Variants in ZNF454 observed in about 807,000 individuals in gnomAD.
ZNF454 encodes zinc finger protein 454.
ZNF454 carries 30 observed loss-of-function variants against 48.2 expected under a neutral mutation model. The ratio of observed to expected loss-of-function variants is 0.62; its 90% CI spans 0.47 to 0.84. ZNF454 has a LOEUF of 0.84. ZNF454 is among the 40% of genes least tolerant of loss of function. ZNF454 has a pLI of 0.00. For synonymous variants in ZNF454, 204 were observed against 211.4 expected, an observed-to-expected ratio of 0.97 and a Z score of 0.30; for missense variants, 510 against 623.1, an observed-to-expected ratio of 0.82 and a Z score of 1.93.
the ZNF454 span, chr5:178,986,850 G>A: frequency 5.0e-6 from 8 of 1,613,838 alleles, no homozygotes; most frequent in Middle Eastern, 1.6e-4. Context: ...CCAGTCTGAG[G>A]GTCTCTGCCC....
the ZNF454 span, among the ~76,000 whole-genome samples, chr5:178,977,967 T>G: frequency 3.3e-5 from 5 of 152,220 alleles, no homozygotes; most frequent in Non-Finnish European, 7.3e-5. Context: ...TTTCTTCTTA[T>G]CAGAGCCTTA....
At chr5:178,974,727 A>C in the ZNF454 span, among the ~76,000 whole-genome samples, 1 of 152,218 alleles carries the variant, frequency 6.6e-6, no homozygotes, top group African/African-American at 2.4e-5. Flanking sequence ...AAATTTCTAT[A>C]AAAACCTTCA....
At chr5:178,964,559 A>G (rs974867725) in intron 4 of ZNF454, 96 bp from the exon 5 acceptor site, 11 of 964,704 alleles carry the variant, frequency 1.1e-5, no homozygotes, top group African/African-American at 6.5e-5. Flanking sequence ...CAAACTTGAA[A>G]TCTTTCTGTT....
At chr5:178,968,236 C>T (rs1760195441), downstream of ZNF454, among the ~76,000 whole-genome samples, 1 of 151,946 alleles carries the variant, frequency 6.6e-6, no homozygotes, top group Non-Finnish European at 1.5e-5. Context: ...GATGGGAGGC[C>T]AAGCAAATTT....
chr5:178,983,699 T>C, the ZNF454 span: 2 of 356,028 alleles, frequency 5.6e-6, no homozygotes, highest in South Asian at 4.2e-5. Flanking sequence ...GAGCACTCAG[T>C]GGGGAGGAGC....
In ZNF454 at chr5:178,952,039, G is replaced by GTTT. The variant is rs1230428854; in HGVS notation, c.250+5067_250+5069dup. Among the ~76,000 whole-genome samples, 42 of 137,606 alleles carry GTTT rather than the reference G, an allele frequency of 3.1e-4. No individual in the cohort carries two copies. The East Asian group carries it at 8.0e-3, about 26-fold the overall frequency. The allele number at this position is 137,606 out of a possible 152,430, so 90.3% of individuals were successfully genotyped here. A position where few individuals can be genotyped will look rare whatever the true frequency, so the allele number is the denominator to read the frequency against. ...CATTACTAGTGAGGTTGAACATCTTGTTTTTTTTTTTTTTTTGAGACGGAG... is the reference window on the plus strand; with the variant it reads ...CATTACTAGTGAGGTTGAACATCTTGTTTTTTTTTTTTTTTTTTTGAGACGGAG... On this transcript the variant is annotated intron_variant, in intron 4 of 4. Coordinates refer to ENST00000519564, the MANE Select transcript of ZNF454 (RefSeq NM_001178089.3).
At chr5:178,983,732 G>A in the ZNF454 span, among the ~76,000 whole-genome samples, 1 of 152,210 alleles carries the variant, frequency 6.6e-6, no homozygotes, top group Admixed American at 6.5e-5. Context: ...TGATGCCGAG[G>A]AGTACTGGAG....
the ZNF454 span, chr5:178,981,970 T>G: frequency 1.2e-6 from 1 of 811,142 alleles, no homozygotes; most frequent in Non-Finnish European, 2.2e-6. This position sits in a 1 kb window ranked among gnomAD's most constrained non-coding sequence, Gnocchi z 5.1. Context: ...GAACTGGGAA[T>G]GAGCACTTAG....
At chr5:178,975,731 C>T in the ZNF454 span, 10 of 420,350 alleles carry the variant, frequency 2.4e-5, no homozygotes, top group East Asian at 6.8e-4. Context: ...TGTCACCTGG[C>T]CAGGCTATGG....
downstream of ZNF454, among the ~76,000 whole-genome samples, chr5:178,968,105 T>A (rs906243813): frequency 1.7e-4 from 24 of 145,000 alleles, no homozygotes; most frequent in African/African-American, 5.2e-4. Flanking sequence ...CATCTGTGCA[T>A]CACACACACA....
At chr5:178,989,207 CCCCACCCT>C in the ZNF454 span, 1 of 253,614 alleles carries the variant, frequency 3.9e-6, no homozygotes. Flanking sequence ...CCTTCCCCCT[CCCCACCCT>C]CACCACCCTC....
chr5:178,957,388 CTTTTTTATTTTTA>C (rs1380765563), intron 4 of ZNF454, among the ~76,000 whole-genome samples: 2 of 151,954 alleles, frequency 1.3e-5, no homozygotes, highest in Non-Finnish European at 2.9e-5. Context: ...TTAAAACCAT[CTTTTTTATTTTTA>C]TTTTTTATTT....
rs1338164627 is a variant in ZNF454 at position 178,965,177 on chromosome 5, CACTT to C, written c.776_779del (p.Leu259ArgfsTer108). 7 of 1,614,172 alleles carry C rather than the reference CACTT, an allele frequency of 4.3e-6. No individual in the cohort carries two copies. The highest frequency in any genetic ancestry group is 1.6e-4 in the Middle Eastern group (1 of 6,062). On this transcript the variant is annotated frameshift_variant, in exon 5 of 5. Coordinates refer to ENST00000519564, the MANE Select transcript of ZNF454 (RefSeq NM_001178089.3). LOFTEE classifies it high-confidence loss of function. The surrounding 1 kb of genome is among the most constrained non-coding windows in gnomAD (Gnocchi z 5.2). ...GGCAAGGCCTTCTCAGTGAGCTCCT[CACTT>C]ACGTACCATCAGAAAATTCATACTG...
At chr5:178,947,137 T>C (rs1405245148) in intron 4 of ZNF454, 151 bp downstream of exon 4, 4 of 665,848 alleles carry the variant, frequency 6.0e-6, no homozygotes, top group Non-Finnish European at 1.0e-5. Context: ...TTGTTGCTAC[T>C]TTTGTTCCAG....
rs918522624 is a variant in ZNF454 at position 178,952,141 on chromosome 5, C to T, written c.250+5155C>T. Among the ~76,000 whole-genome samples the T allele has an allele frequency of 2.2e-4, 33 of 151,876 alleles. 1 individual carries two copies. The highest frequency in any genetic ancestry group is 1.6e-3 in the Admixed American group (24 of 15,254). On this transcript the variant is annotated intron_variant, in intron 4 of 4. Coordinates refer to ENST00000519564, the MANE Select transcript of ZNF454 (RefSeq NM_001178089.3). ...CAAGCTCCTCCTCCCGGGTTCACGC[C>T]ATTCTCCTGCCTCAGCCTCCCGAGT...
At chr5:178,954,701 A>G (rs539863338) in intron 4 of ZNF454, among the ~76,000 whole-genome samples, 19 of 152,284 alleles carry the variant, frequency 1.2e-4, no homozygotes, top group African/African-American at 4.3e-4. Context: ...GTTCTGTCTT[A>G]CTCCTTTGCT....
At chr5:178,981,741 A>T in the ZNF454 span, 1 of 1,613,974 alleles carries the variant, frequency 6.2e-7, no homozygotes, top group South Asian at 1.1e-5. This position sits in a 1 kb window ranked among gnomAD's most constrained non-coding sequence, Gnocchi z 5.1. Flanking sequence ...GCTTCTGCAC[A>T]TTCTGCTCTG....
the ZNF454 span, among the ~76,000 whole-genome samples, chr5:178,973,535 C>T: frequency 6.6e-6 from 1 of 151,956 alleles, no homozygotes; most frequent in South Asian, 2.1e-4. Flanking sequence ...AGTGTCTTTA[C>T]TGATTAAAAA....
chr5:178,986,302 G>A, the ZNF454 span: 1 of 1,613,916 alleles, frequency 6.2e-7, no homozygotes, highest in South Asian at 1.1e-5. Flanking sequence ...CCTGCGGGCG[G>A]CACAGACCGC....
Sources: gnomAD v4.1 joint callset for allele counts (sites outside exome capture counted in the v4.1 genomes callset) on GRCh38, gnomAD v4.1.1 for gene constraint, Gnocchi (gnomAD v3.1) non-coding constraint, MANE v1.5 for transcripts, NCBI Gene and HGNC (gene_info 2026-07-23, HGNC 2026-07-21) for gene names.